UTRN: variants seen among roughly 807,000 people sequenced by gnomAD.
UTRN encodes the protein utrophin.
A neutral mutation model predicts 463.9 loss-of-function variants in UTRN; 283 were observed. That is an observed-to-expected ratio of 0.61 (90% CI 0.55 to 0.67). The LOEUF is 0.67. Ranked by LOEUF, UTRN falls within the 30% of genes least tolerant of loss-of-function variation. UTRN has a pLI of 0.00. For missense variants in UTRN, 3,922 were observed against 4,084.3 expected, an observed-to-expected ratio of 0.96 and a Z score of 1.08; for synonymous variants, 1,442 against 1,431.5, an observed-to-expected ratio of 1.01 and a Z score of -0.17.
At chr6:144,349,133 C>A (rs200227444) in intron 2 of UTRN, among the ~76,000 whole-genome samples, 1 of 152,086 alleles carries the variant, frequency 6.6e-6, no homozygotes, top group Non-Finnish European at 1.5e-5. Context: ...CTCAGCCTTC[C>A]GAGTAGCTGG....
chr6:144,839,315 T>C, intron 72 of UTRN, 31 bp downstream of exon 72: 1 of 1,553,526 alleles, frequency 6.4e-7, no homozygotes, highest in South Asian at 1.1e-5. Flanking sequence ...GCTCCTCTGC[T>C]GAGTCTGCTT....
At chr6:144,576,696 A>C (rs966697539) in intron 50 of UTRN, among the ~76,000 whole-genome samples, 23 of 152,190 alleles carry the variant, frequency 1.5e-4, no homozygotes, top group African/African-American at 5.5e-4. Flanking sequence ...ATCAACAAAT[A>C]TTCGTATAGT....
intron 41 of UTRN, 23 bp from the exon 42 acceptor site, chr6:144,531,024 CTATTT>C: frequency 6.3e-7 from 1 of 1,588,190 alleles, no homozygotes; most frequent in Admixed American, 1.8e-5. Context: ...ATTTGGAAAC[CTATTT>C]TATTTTGTGT....
intron 8 of UTRN, 55 bp from the exon 9 acceptor site, chr6:144,429,526 T>C: frequency 6.7e-7 from 1 of 1,489,674 alleles, no homozygotes; most frequent in Non-Finnish European, 9.1e-7. Context: ...TATTGAGCAA[T>C]TCACATATTT....
At chr6:144,797,697 C>A in intron 63 of UTRN, 127 bp from the exon 64 acceptor site, 1 of 930,650 alleles carries the variant, frequency 1.1e-6, no homozygotes, top group Non-Finnish European at 1.5e-6. Context: ...TGTGACTTAA[C>A]TGACATGGAA....
intron 71 of UTRN, among the ~76,000 whole-genome samples, chr6:144,837,839 T>A (rs1284466790): frequency 2.0e-5 from 3 of 152,206 alleles, no homozygotes; most frequent in African/African-American, 7.2e-5. Flanking sequence ...GGTGAGGCTG[T>A]TCAATGGAAG....
At chr6:144,331,911 GA>G (rs552464463) in intron 2 of UTRN, among the ~76,000 whole-genome samples, 45 of 152,148 alleles carry the variant, frequency 3.0e-4, no homozygotes, top group African/African-American at 1.1e-3. Flanking sequence ...AATATTCAGT[GA>G]ATCATATGGT....
rs1381852582 is a variant in UTRN, at chr6:144,493,260, C to T, written c.4438-41C>T. On this transcript the variant is annotated intron_variant, in intron 32 of 74. Transcript: ENST00000367545. Reference sequence around the variant, plus strand: ...CATGATGCCAGTTGGCAAGTTGTCACCACAGTGTGTAATTTGTCTTTTTCT... The same window carrying T: ...CATGATGCCAGTTGGCAAGTTGTCATCACAGTGTGTAATTTGTCTTTTTCT... 3.1e-6 allele frequency: 5 copies of T among 1,604,362 alleles called. No individual in the cohort carries two copies. In the South Asian group the frequency reaches 5.6e-5, roughly 18 times the overall value.
In UTRN at chr6:144,835,939, G is replaced by A; in HGVS notation, c.9824+1G>A. The A allele has an allele frequency of 6.2e-7, 1 of 1,613,946 alleles. No homozygotes were observed. The highest frequency in any genetic ancestry group is 8.5e-7 in the Non-Finnish European group (1 of 1,179,944). ...TTGCTGACCTGGAGGAAGAACAAAG[G>A]TGTGCTAGGCCTGGGAGAAGGAAAT... On this transcript the variant is annotated splice_donor_variant, in intron 70 of 74. Transcript: ENST00000367545. LOFTEE classifies it high-confidence loss of function.
intron 2 of UTRN, among the ~76,000 whole-genome samples, chr6:144,316,835 G>T (rs947878524): frequency 1.3e-5 from 2 of 151,886 alleles, no homozygotes; most frequent in African/African-American, 4.8e-5. Flanking sequence ...CTTAGAGTAA[G>T]TTTTTTATCA....
chr6:144,288,715 A>G (rs1202948238), intron 1 of UTRN, among the ~76,000 whole-genome samples: 1 of 149,444 alleles, frequency 6.7e-6, no homozygotes, highest in African/African-American at 2.5e-5. Context: ...AATCTGTCAG[A>G]TTGATGATCC....
intron 51 of UTRN, among the ~76,000 whole-genome samples, chr6:144,610,038 A>C (rs76877970): frequency 1.3e-5 from 2 of 152,008 alleles, no homozygotes; most frequent in African/African-American, 4.8e-5. Context: ...AAGAAGAACA[A>C]GCTAATCTGA....
chr6:144,634,131 G>A (rs1037907238), intron 51 of UTRN, among the ~76,000 whole-genome samples: 1 of 152,222 alleles, frequency 6.6e-6, no homozygotes, highest in African/African-American at 2.4e-5. Flanking sequence ...TGAGAACATG[G>A]ACAGTCCAGG....
chr6:144,725,094 T>A (rs1005451488), intron 53 of UTRN, among the ~76,000 whole-genome samples: 2 of 152,220 alleles, frequency 1.3e-5, no homozygotes, highest in African/African-American at 4.8e-5. Context: ...TCCCCGCATG[T>A]CATGGGAGGG....
chr6:144,708,994 A>G (rs1020674262), intron 53 of UTRN, among the ~76,000 whole-genome samples: 1 of 152,064 alleles, frequency 6.6e-6, no homozygotes, highest in Admixed American at 6.6e-5. Flanking sequence ...GCTATAACTA[A>G]CCCACTCCCA....
At chr6:144,411,963 G>A (rs903662224) in intron 3 of UTRN, among the ~76,000 whole-genome samples, 2 of 151,940 alleles carry the variant, frequency 1.3e-5, no homozygotes, top group African/African-American at 4.8e-5. Context: ...TTCTGTTGTC[G>A]AGGTGTGGAA....
At chr6:144,834,003 C>T (rs1354674629) in intron 69 of UTRN, among the ~76,000 whole-genome samples, 1 of 152,158 alleles carries the variant, frequency 6.6e-6, no homozygotes, top group Non-Finnish European at 1.5e-5. Flanking sequence ...TCTTCTCGTC[C>T]TTCTAAACCC....
At chr6:144,817,103 T>A (rs1429576474) in intron 65 of UTRN, among the ~76,000 whole-genome samples, 1 of 152,188 alleles carries the variant, frequency 6.6e-6, no homozygotes, top group Admixed American at 6.5e-5. Context: ...ATTTTTTTCC[T>A]TACTGAACTT....
chr6:144,323,082 T>A (rs1211738075), intron 2 of UTRN, among the ~76,000 whole-genome samples: 1 of 152,162 alleles, frequency 6.6e-6, no homozygotes, highest in African/African-American at 2.4e-5. Context: ...AGTGTGTGAT[T>A]CTGATCTTTT....
Sources: gnomAD v4.1 joint callset for allele counts (sites outside exome capture counted in the v4.1 genomes callset) on GRCh38, gnomAD v4.1.1 for gene constraint, MANE v1.5 for transcripts, NCBI Gene and HGNC (gene_info 2026-07-23, HGNC 2026-07-21) for gene names.